The following NADSYN1 variants were observed in gnomAD, a reference collection of about 807,000 sequenced individuals.
The protein encoded by NADSYN1 is NAD synthetase 1.
In NADSYN1, 80 loss-of-function variants were observed where a neutral mutation model predicts 99.3. The ratio of observed to expected loss-of-function variants is 0.81; its 90% CI spans 0.67 to 0.97. The LOEUF is 0.97. Ranked by LOEUF, NADSYN1 falls within the 50% of genes least tolerant of loss-of-function variation. NADSYN1 has a pLI of 0.00. For missense variants in NADSYN1, 859 were observed against 948.5 expected (o/e 0.91, Z 1.24); for synonymous variants, 385 against 372.1 (o/e 1.03, Z -0.40).
Position 71,490,353 on chromosome 11 carries a change from G to A in NADSYN1, c.1563-492G>A, listed in dbSNP as rs1308698223. Among the ~76,000 whole-genome samples the A allele has an allele frequency of 2.6e-5, 4 of 152,208 alleles. No individual in the cohort carries two copies. The East Asian group carries it at 7.7e-4, about 29-fold the overall frequency. On this transcript the variant is annotated intron_variant, in intron 16 of 20. Coordinates refer to ENST00000319023, the MANE Select transcript of NADSYN1 (RefSeq NM_018161.5). ...ATCACTCCCACATCTCAAGTCCCCA[G>A]CTGAGTCCATCTGCAAAGTCCCTTT... is the stretch of plus-strand genomic sequence containing the variant.
chr11:71,501,179 G>A, intron 20 of NADSYN1, 123 bp from the exon 21 acceptor site: 1 of 882,070 alleles, frequency 1.1e-6, no homozygotes, highest in East Asian at 2.9e-5. Flanking sequence ...CATCTGGTGG[G>A]GACTCTGGTA....
chr11:71,482,340 A>G (rs7114525), intron 13 of NADSYN1, among the ~76,000 whole-genome samples: 12,648 of 152,260 alleles, frequency 0.083, 629 homozygotes, highest in African/African-American at 0.14. Context: ...CATGTGATAT[A>G]GTATCAGACA....
rs1048046237 is a variant in NADSYN1 at position 71,455,227 on chromosome 11, T to C, written c.146+57T>C. On this transcript the variant is annotated intron_variant, in intron 2 of 20. Transcript: ENST00000319023. The stretch of plus-strand genomic sequence containing the variant: ...CAGCTAGCGATACCAGCATCAGTTT[T>C]CCCCAGCTGAGAAGGCAAGGAAGGA... 7 of 1,465,492 alleles carry C rather than the reference T, an allele frequency of 4.8e-6. No individual in the cohort carries two copies. In the Admixed American group the frequency reaches 8.6e-5, roughly 18 times the overall value. The allele number at this position is 1,465,492 out of a possible 1,614,324, so 90.8% of individuals were successfully genotyped here.
chr11:71,466,024 A>G (rs1177518303), intron 5 of NADSYN1, among the ~76,000 whole-genome samples: 2 of 152,098 alleles, frequency 1.3e-5, no homozygotes, highest in African/African-American at 4.8e-5. Context: ...TCTGGAGCAA[A>G]ATTCTTTGCT....
At chr11:71,496,637 C>G (rs907501635) in intron 18 of NADSYN1, 1 of 152,960 alleles carries the variant, frequency 6.5e-6, no homozygotes, top group African/African-American at 2.4e-5. Flanking sequence ...TTGCCTCTTG[C>G]GTCTTCTGGG....
At chr11:71,475,951 C>A in intron 9 of NADSYN1, 1 of 448,454 alleles carries the variant, frequency 2.2e-6, no homozygotes, top group South Asian at 1.6e-5. Context: ...TGAGCTCAGG[C>A]AATCCACGCA....
intron 16 of NADSYN1, 144 bp from the exon 17 acceptor site, chr11:71,490,701 G>A: frequency 4.1e-6 from 5 of 1,231,676 alleles, no homozygotes; most frequent in Non-Finnish European, 5.6e-6. Flanking sequence ...ACCTTTGCGG[G>A]TTGCTCTGGG....
chr11:71,469,133 A>ATT (rs150659475), intron 5 of NADSYN1, among the ~76,000 whole-genome samples: 5,848 of 152,286 alleles, frequency 0.038, 163 homozygotes, highest in South Asian at 0.091. Flanking sequence ...TGGAAGAGCA[A>ATT]AAGGCCACAA....
At chr11:71,467,796 G>T (rs1381463930) in intron 5 of NADSYN1, among the ~76,000 whole-genome samples, 1 of 152,176 alleles carries the variant, frequency 6.6e-6, no homozygotes, top group African/African-American at 2.4e-5. Flanking sequence ...ATAGAGAAGA[G>T]GCGGTATTTG....
At chr11:71,456,356 G>A (rs1237353462) in intron 2 of NADSYN1, among the ~76,000 whole-genome samples, 1 of 152,174 alleles carries the variant, frequency 6.6e-6, no homozygotes, top group Non-Finnish European at 1.5e-5. Flanking sequence ...CTTCACCTAA[G>A]TGCCAAGGGA....
At chr11:71,488,811 A>T (rs1395830346) in intron 16 of NADSYN1, among the ~76,000 whole-genome samples, 1 of 151,954 alleles carries the variant, frequency 6.6e-6, no homozygotes, top group Non-Finnish European at 1.5e-5. Flanking sequence ...ACCACGCCTA[A>T]TTTTTTTTGT....
Position 71,480,815 on chromosome 11 carries a change from G to T in NADSYN1, c.934G>T (p.Asp312Tyr), listed in dbSNP as rs369129177. The T allele has an allele frequency of 3.1e-6, 5 of 1,614,176 alleles. No individual in the cohort carries two copies. The highest frequency in any genetic ancestry group is 4.2e-6 in the Non-Finnish European group (5 of 1,180,034). The change falls in exon 11 of 21, where the codon GAC becomes TAC. Residue 312 changes from aspartate (D) to tyrosine (Y), a missense_variant. Physicochemically the swap from Asp to Tyr is radical, Grantham distance 160. Transcript: ENST00000319023. ...GGACTTTGCCCTCTCGTGCCACGAG[G>T]ACTTGCTGGCACCCATCTCTGAGCC... Reference protein sequence around the residue: ...KVDFALSCHEDLLAPISEPIE... With the variant: ...KVDFALSCHEYLLAPISEPIE...
chr11:71,459,306 G>A (rs1322268130), intron 3 of NADSYN1, among the ~76,000 whole-genome samples: 1 of 148,816 alleles, frequency 6.7e-6, no homozygotes, highest in Admixed American at 6.7e-5. Flanking sequence ...TGTGTGCGCT[G>A]TGCTGGCGTC....
intron 16 of NADSYN1, among the ~76,000 whole-genome samples, chr11:71,489,963 G>A (rs58732390): frequency 3.0e-4 from 45 of 152,326 alleles, no homozygotes; most frequent in African/African-American, 1.0e-3. Flanking sequence ...CTGCACCAGC[G>A]TTGGCAGCGG....
Position 71,481,982 on chromosome 11 carries a change from CTACTCCA to C in NADSYN1, c.1109_1115del (p.Tyr370CysfsTer9). On this transcript the variant is annotated frameshift_variant, in exon 13 of 21. Transcript: ENST00000319023. LOFTEE classifies it high-confidence loss of function. Reference sequence around the variant, plus strand: ...ACAGCGCAGCCACCGCCTGCCTCATCTACTCCATGTGCTGCCAGGTCTGCGAGGCCGT... The same window carrying C: ...ACAGCGCAGCCACCGCCTGCCTCATCTGTGCTGCCAGGTCTGCGAGGCCGT... 1 of 1,612,228 alleles carries C rather than the reference CTACTCCA, an allele frequency of 6.2e-7. No individual in the cohort carries two copies.
intron 9 of NADSYN1, among the ~76,000 whole-genome samples, chr11:71,478,055 T>C (rs1216035082): frequency 1.3e-5 from 2 of 151,728 alleles, no homozygotes; most frequent in East Asian, 1.9e-4. Flanking sequence ...GACATGGGGG[T>C]GTCTTACTGA....
intron 11 of NADSYN1, 104 bp from the exon 12 acceptor site, chr11:71,481,252 G>A (rs887313222): frequency 2.2e-5 from 26 of 1,182,156 alleles, no homozygotes; most frequent in African/African-American, 1.1e-4. Context: ...AGAGCCCAGC[G>A]TTGACTCTGG....
chr11:71,486,730 AC>A (rs908799661), intron 16 of NADSYN1, among the ~76,000 whole-genome samples: 1 of 142,494 alleles, frequency 7.0e-6, no homozygotes, highest in East Asian at 2.1e-4. Flanking sequence ...CCATCCATCG[AC>A]CCATCTGTCC....
chr11:71,453,263 C>G lies in NADSYN1; in HGVS notation c.-34C>G. 6.2e-7 allele frequency: 1 copy of G among 1,600,994 alleles called. No individual in the cohort carries two copies. Among genetic ancestry groups the G allele is most frequent in the Non-Finnish European group, 8.5e-7 (1 of 1,170,552 alleles). On this transcript the variant is annotated 5_prime_UTR_variant, in exon 1 of 21. Coordinates refer to ENST00000319023, the MANE Select transcript of NADSYN1 (RefSeq NM_018161.5). ...GCTGGGACCCTGGTCTTGCTGTCCC[C>G]CGCTGGCCTCCTGCCCAAGCGACTG...
Sources: allele counts gnomAD v4.1 joint callset (sites outside exome capture counted in the v4.1 genomes callset), GRCh38; gene constraint gnomAD v4.1.1; transcripts MANE v1.5; gene names NCBI Gene and HGNC (gene_info 2026-07-23, HGNC 2026-07-21).